MAP3K14: variants seen among roughly 807,000 people sequenced by gnomAD.
MAP3K14 encodes mitogen-activated protein kinase kinase kinase 14.
In MAP3K14, 16 loss-of-function variants were observed where a neutral mutation model predicts 99.2. That is an observed-to-expected ratio of 0.16 (90% CI 0.11 to 0.24). The LOEUF (loss-of-function observed/expected upper bound fraction) is 0.24. Ranked by LOEUF, MAP3K14 falls within the 10% of genes least tolerant of loss-of-function variation. The pLI, the probability that MAP3K14 is intolerant of heterozygous loss-of-function variation, is 1.00. For missense variants in MAP3K14, 784 were observed against 1,208.7 expected, an observed-to-expected ratio of 0.65 and a Z score of 5.21; for synonymous variants, 462 against 492.4, an observed-to-expected ratio of 0.94 and a Z score of 0.82.
chr17:45,303,536 G>T (rs369833997), intron 1 of MAP3K14, among the ~76,000 whole-genome samples: 5 of 152,084 alleles, frequency 3.3e-5, no homozygotes, highest in African/African-American at 1.2e-4. Context: ...ACCCCAGCTT[G>T]GGCAACAGAG....
At chr17:45,314,325 T>C (rs2044511315) in intron 1 of MAP3K14, among the ~76,000 whole-genome samples, 1 of 152,214 alleles carries the variant, frequency 6.6e-6, no homozygotes, top group Non-Finnish European at 1.5e-5. Flanking sequence ...TCACTTTGAA[T>C]GCCCACCCAG....
intron 1 of MAP3K14, among the ~76,000 whole-genome samples, chr17:45,299,024 G>A (rs2044366737): frequency 1.3e-5 from 2 of 152,196 alleles, no homozygotes; most frequent in Admixed American, 1.3e-4. Flanking sequence ...AGGCACAGAG[G>A]TGAGTCAATG....
intron 6 of MAP3K14, among the ~76,000 whole-genome samples, chr17:45,276,658 C>A (rs1408124181): frequency 6.6e-6 from 1 of 151,364 alleles, no homozygotes; most frequent in African/African-American, 2.4e-5. Flanking sequence ...ATTACAGGCA[C>A]CTGCCACTAT....
intron 3 of MAP3K14, among the ~76,000 whole-genome samples, chr17:45,287,985 C>A (rs1362830927): frequency 2.0e-5 from 3 of 152,220 alleles, no homozygotes; most frequent in Non-Finnish European, 4.4e-5. Flanking sequence ...ACTGCCATGG[C>A]TCTAACTGGA....
Position 45,289,266 on chromosome 17 carries a change from C to G in MAP3K14, c.296G>C (p.Arg99Pro). 1 of 1,613,912 alleles carries G rather than the reference C, an allele frequency of 6.2e-7. No homozygotes were observed. Among genetic ancestry groups the G allele is most frequent in the Non-Finnish European group, 8.5e-7 (1 of 1,179,836 alleles). ...CTGTTTGGACCCAGCGATGAAAATGCGTTCTGAAAAGGTGGGGCTGAACTC... is the reference window on the plus strand; with the variant it reads ...CTGTTTGGACCCAGCGATGAAAATGGGTTCTGAAAAGGTGGGGCTGAACTC... ...SQEFSPTFSE[R>P]IFIAGSKQYS... The change falls in exon 3 of 16, where the codon CGC becomes CCC. Residue 99 changes from arginine to proline, a missense_variant. Around this residue, in one of 5 missense-constraint regions of MAP3K14, gnomAD observed 188 missense variants for 313.0 expected, o/e 0.60. Coordinates refer to ENST00000344686, the MANE Select transcript of MAP3K14 (RefSeq NM_003954.5).
At position 45,286,424 on chromosome 17, in the gene MAP3K14, T is replaced by C; in HGVS notation, c.1152+7A>G. ...GGGACATATACAGGTGCCGGGGGAT[T>C]AGTTACCTCAGTGAGCAGGACACCC... On this transcript the variant is annotated splice_region_variant and intron_variant, in intron 5 of 15. Coordinates refer to ENST00000344686, the MANE Select transcript of MAP3K14 (RefSeq NM_003954.5). This position sits in a 1 kb window ranked among gnomAD's most constrained non-coding sequence, Gnocchi z 4.1. The C allele has an allele frequency of 1.9e-6, 3 of 1,578,106 alleles. No homozygotes were observed. Among genetic ancestry groups the C allele is most frequent in the Non-Finnish European group, 2.6e-6 (3 of 1,158,188 alleles).
rs1490224605 is a variant in MAP3K14, at chr17:45,289,324, G to GC, written c.257-20_257-19insG. 3 of 1,605,382 alleles carry GC rather than the reference G, an allele frequency of 1.9e-6. No individual in the cohort carries two copies. Among genetic ancestry groups the GC allele is most frequent in the Non-Finnish European group, 2.6e-6 (3 of 1,172,196 alleles). On this transcript the variant is annotated intron_variant, in intron 2 of 15. Transcript: ENST00000344686. The stretch of plus-strand genomic sequence containing the variant: ...TTCTCACCTAAAGCAAAAGGAGTTG[G>GC]ATTAGCAGAGAGGAGAAAAAATAGG...
rs538245718 is a variant in MAP3K14 at position 45,267,041 on chromosome 17, C to T, written c.2433+51G>A. ...AAAGCTACTTGCTCTGTGCCAGGGC[C>T]GGGAAAACCACACCCCTGGAGCCAT... On this transcript the variant is annotated intron_variant, in intron 13 of 15. Coordinates refer to ENST00000344686, the MANE Select transcript of MAP3K14 (RefSeq NM_003954.5). The surrounding 1 kb of genome is among the most constrained non-coding windows in gnomAD (Gnocchi z 5.1). The T allele has an allele frequency of 1.3e-5, 18 of 1,345,204 alleles. No individual in the cohort carries two copies. The highest frequency in any genetic ancestry group is 2.2e-4 in the Middle Eastern group (1 of 4,522). The allele number at this position is 1,345,204 out of a possible 1,614,324, so 83.3% of individuals were successfully genotyped here.
intron 9 of MAP3K14, 106 bp downstream of exon 9, chr17:45,273,396 CA>C: frequency 1.2e-6 from 1 of 819,170 alleles, no homozygotes; most frequent in South Asian, 1.7e-5. Context: ...GGCTTAAACA[CA>C]CAGGTGGACC....
intron 14 of MAP3K14, chr17:45,266,311 T>C: frequency 6.4e-6 from 3 of 472,274 alleles, no homozygotes; most frequent in Admixed American, 7.0e-5. Flanking sequence ...CAACTGACAA[T>C]GAGGGGATAA....
intron 1 of MAP3K14, among the ~76,000 whole-genome samples, chr17:45,312,730 A>T (rs1439193478): frequency 6.6e-6 from 1 of 152,142 alleles, no homozygotes; most frequent in African/African-American, 2.4e-5. Flanking sequence ...TTAAAGGGGA[A>T]TCTGCAAGTC....
At position 45,274,199 on chromosome 17, in the gene MAP3K14, G is replaced by A. The variant is rs918123947; in HGVS notation, c.1476C>T (p.Ala492=). 7.5e-6 allele frequency: 12 copies of A among 1,599,102 alleles called. No individual in the cohort carries two copies. Among genetic ancestry groups the A allele is most frequent in the Non-Finnish European group, 1.0e-5 (12 of 1,172,774 alleles). ...CCAGGGCCTGGCCCAGGTAGTACAG[G>A]GCCCGGTCCTCTGGGAGACAGCCCT... ...KEQGCLPEDR[A]LYYLGQALEG... is the part of the protein sequence containing the mutation. Residue 492 remains alanine, a synonymous_variant, in exon 8 of 16, where the codon GCC becomes GCT. Coordinates refer to ENST00000344686, the MANE Select transcript of MAP3K14 (RefSeq NM_003954.5).
intron 1 of MAP3K14, among the ~76,000 whole-genome samples, chr17:45,291,517 C>T (rs558706944): frequency 2.7e-4 from 41 of 152,306 alleles, no homozygotes; most frequent in African/African-American, 8.2e-4. Context: ...GGCCCTAACA[C>T]GAACCTATAC....
Position 45,273,856 on chromosome 17 carries a change from C to T in MAP3K14, c.1553-249G>A, listed in dbSNP as rs988713193. On this transcript the variant is annotated intron_variant, in intron 8 of 15. Transcript: ENST00000344686. ...TTTACTCGGGAACGCTGCCACTCTG[C>T]TCGCCTGCGCCGACCCCATACCAGG... 4 of 643,196 alleles carry T rather than the reference C, an allele frequency of 6.2e-6. No individual in the cohort carries two copies. The African/African-American group carries it at 7.1e-5, about 11-fold the overall frequency. The allele number at this position is 643,196 out of a possible 1,614,324, so 39.8% of individuals were successfully genotyped here.
intron 1 of MAP3K14, among the ~76,000 whole-genome samples, chr17:45,308,369 C>T (rs1242948253): frequency 6.6e-6 from 1 of 152,204 alleles, no homozygotes; most frequent in East Asian, 1.9e-4. Context: ...ATCTACCTGC[C>T]TACAACTCTC....
intron 5 of MAP3K14, among the ~76,000 whole-genome samples, chr17:45,285,686 T>A (rs1044284224): frequency 1.3e-5 from 2 of 151,934 alleles, no homozygotes; most frequent in Non-Finnish European, 2.9e-5. Context: ...GACAGTGCAG[T>A]GGCTCACACC....
rs2044046554 is a variant in MAP3K14 at position 45,264,143 on chromosome 17, C to T, written c.*493G>A. ...GCCAGGCAAGGGGTTTAGAGGGCCC[C>T]CTTAACCTACGGGCGGGCATACCTG... is the stretch of plus-strand genomic sequence containing the variant. On this transcript the variant is annotated 3_prime_UTR_variant, in exon 16 of 16. Coordinates refer to ENST00000344686, the MANE Select transcript of MAP3K14 (RefSeq NM_003954.5). 6.5e-6 allele frequency: 1 copy of T among 153,424 alleles called. No individual in the cohort carries two copies. Among genetic ancestry groups the T allele is most frequent in the Non-Finnish European group, 1.5e-5 (1 of 68,882 alleles). 9.5% of individuals were successfully genotyped at this position (153,424 alleles called of 1,614,324 possible).
At chr17:45,310,048 T>TC (rs1316632706) in intron 1 of MAP3K14, among the ~76,000 whole-genome samples, 9 of 149,642 alleles carry the variant, frequency 6.0e-5, no homozygotes, top group African/African-American at 2.2e-4. Flanking sequence ...TTTTTTTTTT[T>TC]TTTGAGACGG....
intron 1 of MAP3K14, among the ~76,000 whole-genome samples, chr17:45,310,027 CT>C (rs59117060): frequency 0.11 from 10,699 of 99,012 alleles, 229 homozygotes; most frequent in African/African-American, 0.13. Flanking sequence ...AGGAGTCCAT[CT>C]TTTTTTTTTT....
Sources: allele counts gnomAD v4.1 joint callset (sites outside exome capture counted in the v4.1 genomes callset), GRCh38; gene constraint gnomAD v4.1.1; regional missense constraint gnomAD v4.1.1; non-coding constraint Gnocchi (gnomAD v3.1); transcripts MANE v1.5; gene names NCBI Gene and HGNC (gene_info 2026-07-23, HGNC 2026-07-21).